SLC41A3: variants seen among roughly 807,000 people sequenced by gnomAD.
SLC41A3 encodes the protein solute carrier family 41 member 3, also known as SLC41A1-like 2.
SLC41A3 carries 44 observed loss-of-function variants against 45.4 expected under a neutral mutation model. That is an observed-to-expected ratio of 0.97 (90% CI 0.76 to 1.25). The LOEUF (loss-of-function observed/expected upper bound fraction) is 1.25. Among genes scored for constraint, SLC41A3 ranks in the 50% most tolerant of loss-of-function variants. The pLI, the probability that SLC41A3 is intolerant of heterozygous loss-of-function variation, is 0.00. For missense variants in SLC41A3, 550 were observed against 600.6 expected (o/e 0.92, Z 0.88); for synonymous variants, 256 against 252.4 (o/e 1.01, Z -0.13).
At chr3:126,067,859 TTTAAGCTCAACCTTACA>T in intron 2 of SLC41A3, 71 bp downstream of exon 2, 1 of 1,479,510 alleles carries the variant, frequency 6.8e-7, no homozygotes, top group Admixed American at 2.3e-5. Flanking sequence ...CCCGACAACC[TTTAAGCTCAACCTTACA>T]TGCAGCTGCC....
chr3:126,084,482 A>G (rs985518551), upstream of SLC41A3: 1 of 152,236 alleles, frequency 6.6e-6, no homozygotes, highest in Non-Finnish European at 1.5e-5. Flanking sequence ...ACCGACAGCC[A>G]ACTTCCCTTG....
At chr3:126,016,926 C>A (rs1254357871) in intron 6 of SLC41A3, 51 bp from the exon 7 acceptor site, 12 of 1,596,058 alleles carry the variant, frequency 7.5e-6, no homozygotes, top group Non-Finnish European at 1.0e-5. Context: ...GGCCAGCACA[C>A]ACAGGCTGGG....
At chr3:126,042,397 T>G (rs1315678924) in intron 3 of SLC41A3, among the ~76,000 whole-genome samples, 1 of 151,930 alleles carries the variant, frequency 6.6e-6, no homozygotes, top group Non-Finnish European at 1.5e-5. Context: ...CCTTAAGCCT[T>G]CATGCCAGAC....
rs1486738357 is a variant in SLC41A3, at chr3:126,006,479, G to A, written c.*537C>T. 1 of 1,613,918 alleles carries A rather than the reference G, an allele frequency of 6.2e-7. No homozygotes were observed. The highest frequency in any genetic ancestry group is 8.5e-7 in the Non-Finnish European group (1 of 1,180,028). On this transcript the variant is annotated 3_prime_UTR_variant, in exon 11 of 11. Transcript: ENST00000360370. ...GCAAGGACACGATTAAATGTTGAGT[G>A]CAGATGAAGGGTTGTATGAGGCCCC...
chr3:126,058,836 C>T (rs1943834602), intron 2 of SLC41A3, among the ~76,000 whole-genome samples: 1 of 152,148 alleles, frequency 6.6e-6, no homozygotes, highest in African/African-American at 2.4e-5. Context: ...TCATGACCCT[C>T]ACGGGGGCCA....
At chr3:126,078,511 G>A (rs1944988671) in intron 1 of SLC41A3, among the ~76,000 whole-genome samples, 1 of 152,194 alleles carries the variant, frequency 6.6e-6, no homozygotes, top group Non-Finnish European at 1.5e-5. Flanking sequence ...GAACCATGAG[G>A]AGGAAGGATG....
chr3:126,012,465 A>C, intron 9 of SLC41A3, 150 bp downstream of exon 9: 75 of 904,002 alleles, frequency 8.3e-5, no homozygotes, highest in Non-Finnish European at 1.2e-4. Flanking sequence ...AGGGCCGGGG[A>C]GTCTCATTTC....
chr3:126,050,334 A>G (rs1943243516), intron 3 of SLC41A3, among the ~76,000 whole-genome samples: 1 of 152,162 alleles, frequency 6.6e-6, no homozygotes, highest in Admixed American at 6.5e-5. Context: ...AGGATATCAC[A>G]TGGGCATCAG....
chr3:126,015,999 T>C (rs773139167), intron 7 of SLC41A3, among the ~76,000 whole-genome samples: 10 of 152,142 alleles, frequency 6.6e-5, no homozygotes, highest in Admixed American at 1.3e-4. Flanking sequence ...GCCACTGTAG[T>C]TTAGCAAAAG....
intron 5 of SLC41A3, chr3:126,023,686 CG>C (rs944114938): frequency 3.3e-5 from 5 of 152,010 alleles, no homozygotes; most frequent in Admixed American, 3.3e-4. Context: ...GTGAGGCTCA[CG>C]TTTCCGTGGC....
chr3:126,015,508 G>T lies in SLC41A3; in HGVS notation c.956C>A (p.Thr319Asn). The change falls in exon 8 of 11, where the codon ACC becomes AAC. Residue 319 changes from threonine to asparagine, a missense_variant. Thr to Asn is a moderately conservative substitution (Grantham distance 65, BLOSUM62 0). Coordinates refer to ENST00000360370, the MANE Select transcript of SLC41A3 (RefSeq NM_017836.4). ...KQQYKGMAIFTPVICGVGGNL... is the reference protein window; with the variant it reads ...KQQYKGMAIFNPVICGVGGNL... ...CAAATACGTACCACATATGACGGGG[G>T]TAAATATCGCCATGCCTTTGTACTG... 6.2e-7 allele frequency: 1 copy of T among 1,614,202 alleles called. No individual in the cohort carries two copies. The highest frequency in any genetic ancestry group is 1.3e-5 in the African/African-American group (1 of 75,062).
chr3:126,076,184 G>A (rs779635195), intron 1 of SLC41A3, among the ~76,000 whole-genome samples: 2 of 152,282 alleles, frequency 1.3e-5, no homozygotes, highest in East Asian at 1.9e-4. Context: ...CTCCAAAGAT[G>A]TACAATGGCC....
chr3:126,078,229 A>G (rs1245678284), intron 1 of SLC41A3, among the ~76,000 whole-genome samples: 2 of 152,082 alleles, frequency 1.3e-5, no homozygotes, highest in Non-Finnish European at 2.9e-5. Flanking sequence ...CACCTTCCTC[A>G]TGACCTTCTC....
At chr3:126,085,822 TG>T (rs34930232), upstream of SLC41A3, among the ~76,000 whole-genome samples, 100,431 of 150,124 alleles carry the variant, frequency 0.67, 33,853 homozygotes, top group African/African-American at 0.76. Context: ...TGGGAGTGTC[TG>T]GGGGGGGGTT....
At chr3:126,093,444 G>A (rs982509559) in intron 1 of SLC41A3, among the ~76,000 whole-genome samples, 1 of 152,194 alleles carries the variant, frequency 6.6e-6, no homozygotes, top group African/African-American at 2.4e-5. Flanking sequence ...CCTGTACAAT[G>A]TCTTTCCCCT....
At position 126,060,208 on chromosome 3, in the gene SLC41A3, C is replaced by T. The variant is rs143578853; in HGVS notation, c.273+7739G>A. Among the ~76,000 whole-genome samples the T allele has an allele frequency of 5.3e-4, 81 of 152,188 alleles. 5 individuals are homozygous for T. The East Asian group carries it at 0.015, about 28-fold the overall frequency. On this transcript the variant is annotated intron_variant, in intron 2 of 10. Coordinates refer to ENST00000360370, the MANE Select transcript of SLC41A3 (RefSeq NM_017836.4). ...CTGAGGCGGGCAGATCACCTGAGGT[C>T]GGGAGTTCGAGACCAGCCTGACCAG...
Position 126,068,058 on chromosome 3 carries a change from C to G in SLC41A3, c.162G>C (p.Glu54Asp). The change falls in exon 2 of 11, where the codon GAG (glutamate) becomes GAC (aspartate). Residue 54 changes from glutamate to aspartate, a missense_variant. Coordinates refer to ENST00000360370, the MANE Select transcript of SLC41A3 (RefSeq NM_017836.4). ...AGGTGGTCTCCCTGCTAGGCTCAGT[C>G]TCCAGTGGCTTGGGGGTCACGCTTT... The part of the protein sequence containing the change: ...ESQSVTPKPL[E>D]TEPSRETTWS... 1 of 1,613,996 alleles carries G rather than the reference C, an allele frequency of 6.2e-7. No individual in the cohort carries two copies. The highest frequency in any genetic ancestry group is 8.5e-7 in the Non-Finnish European group (1 of 1,179,988).
chr3:126,034,394 C>T (rs1438881133), intron 3 of SLC41A3, among the ~76,000 whole-genome samples: 1 of 152,204 alleles, frequency 6.6e-6, no homozygotes, highest in Admixed American at 6.5e-5. Context: ...TCCTAGATTC[C>T]TTAAACTCAG....
intron 5 of SLC41A3, chr3:126,025,106 G>A (rs1056045485): frequency 6.6e-6 from 1 of 152,214 alleles, no homozygotes; most frequent in African/African-American, 2.4e-5. Flanking sequence ...CCCTGAGCTA[G>A]AATATAAAAT....
Sources: allele counts gnomAD v4.1 joint callset (sites outside exome capture counted in the v4.1 genomes callset), GRCh38; gene constraint gnomAD v4.1.1; transcripts MANE v1.5; gene names NCBI Gene and HGNC (gene_info 2026-07-23, HGNC 2026-07-21).